Variants in PPFIA2 observed in about 807,000 individuals in gnomAD.
The protein encoded by PPFIA2 is PPFI scaffold protein A2.
In PPFIA2, 46 loss-of-function variants were observed where a neutral mutation model predicts 175.5. That is an observed-to-expected ratio of 0.26 (90% CI 0.21 to 0.34). The LOEUF is 0.34. Among genes scored for constraint, PPFIA2 ranks in the 10% least tolerant of loss-of-function variants. PPFIA2 has a pLI of 1.00. For synonymous variants in PPFIA2, 568 were observed against 511.4 expected, an observed-to-expected ratio of 1.11 and a Z score of -1.49; for missense variants, 1,179 against 1,506.1, an observed-to-expected ratio of 0.78 and a Z score of 3.60.
At chr12:81,320,628 G>C (rs1177513351) in intron 22 of PPFIA2, among the ~76,000 whole-genome samples, 1 of 151,752 alleles carries the variant, frequency 6.6e-6, no homozygotes, top group Admixed American at 6.6e-5. Context: ...ATTTCAGCAT[G>C]GATATATGCT....
intron 31 of PPFIA2, among the ~76,000 whole-genome samples, chr12:81,262,247 T>G (rs1276414925): frequency 2.0e-5 from 3 of 152,148 alleles, no homozygotes; most frequent in Non-Finnish European, 4.4e-5. Flanking sequence ...AGCTTTTGAG[T>G]TGTTATGTAT....
At position 81,439,960 on chromosome 12, in the gene PPFIA2, G is replaced by A. The variant is rs370836265; in HGVS notation, c.645+12C>T. ...ATTGCACCTCAAAAGAGGAGAAAGT[G>A]TGGCAGGTTACCTCCTGATTAGCAG... is the stretch of plus-strand genomic sequence containing the variant. On this transcript the variant is annotated intron_variant, in intron 7 of 32. Transcript: ENST00000549396. 6.2e-7 allele frequency: 1 copy of A among 1,602,794 alleles called. No homozygotes were observed. Among genetic ancestry groups the A allele is most frequent in the Admixed American group, 1.7e-5 (1 of 57,574 alleles).
chr12:81,306,424 G>A lies in PPFIA2; in HGVS notation c.2643-7042C>T, dbSNP rs150060877. On this transcript the variant is annotated intron_variant, in intron 22 of 32. Coordinates refer to ENST00000549396, the MANE Select transcript of PPFIA2 (RefSeq NM_003625.5). ...CCCATCTAATAGGGTTTTTACAAAG[G>A]TTTTGTAAGAAAATATGTGTAATAT... 2.7e-3 allele frequency among the ~76,000 whole-genome samples: 415 copies of A among 151,826 alleles called. 2 individuals carry two copies. The highest frequency in any genetic ancestry group is 9.6e-3 in the African/African-American group (398 of 41,414).
intron 3 of PPFIA2, among the ~76,000 whole-genome samples, chr12:81,702,445 T>A (rs1466285762): frequency 6.6e-6 from 1 of 152,184 alleles, no homozygotes; most frequent in African/African-American, 2.4e-5. Flanking sequence ...CAATCTTGTC[T>A]ATATCACCAA....
chr12:81,532,493 G>C (rs766695884), intron 4 of PPFIA2, among the ~76,000 whole-genome samples: 25 of 151,696 alleles, frequency 1.6e-4, no homozygotes, highest in Non-Finnish European at 3.2e-4. Context: ...GTCTGTTCTT[G>C]ATCTAGTTTA....
chr12:81,712,075 A>C (rs1164815546), intron 3 of PPFIA2, among the ~76,000 whole-genome samples: 1 of 151,344 alleles, frequency 6.6e-6, no homozygotes, highest in African/African-American at 2.4e-5. Flanking sequence ...ATATTTTTAA[A>C]ACATTATTTT....
intron 8 of PPFIA2, among the ~76,000 whole-genome samples, chr12:81,392,590 T>C (rs1317940990): frequency 6.6e-6 from 1 of 151,964 alleles, no homozygotes; most frequent in Non-Finnish European, 1.5e-5. Context: ...ATTATATATT[T>C]ACAAAATATG....
chr12:81,261,152 G>A (rs968384827), intron 32 of PPFIA2: 7 of 152,086 alleles, frequency 4.6e-5, no homozygotes, highest in African/African-American at 1.7e-4. Context: ...TTTGTTTTTA[G>A]CAAGTGTAAA....
intron 13 of PPFIA2, 57 bp from the exon 14 acceptor site, chr12:81,367,227 A>T: frequency 9.1e-7 from 1 of 1,098,414 alleles, no homozygotes; most frequent in Non-Finnish European, 1.2e-6. Context: ...ATACTTAAAA[A>T]TATATTGATT....
At chr12:81,384,403 C>T (rs1298400438) in intron 8 of PPFIA2, among the ~76,000 whole-genome samples, 159 bp from the exon 9 acceptor site, 2 of 152,142 alleles carry the variant, frequency 1.3e-5, no homozygotes, top group Non-Finnish European at 2.9e-5. Context: ...TCTAAGGAAA[C>T]TGTTAATTGA....
At chr12:81,366,490 C>T (rs924420042) in intron 14 of PPFIA2, among the ~76,000 whole-genome samples, 1 of 151,718 alleles carries the variant, frequency 6.6e-6, no homozygotes, top group Non-Finnish European at 1.5e-5. Flanking sequence ...TCAGTCAAGT[C>T]CCTCCTTCCT....
intron 4 of PPFIA2, among the ~76,000 whole-genome samples, chr12:81,541,779 G>T (rs1216743732): frequency 6.6e-6 from 1 of 152,034 alleles, no homozygotes; most frequent in Non-Finnish European, 1.5e-5. Context: ...GAGTTGACTT[G>T]TTCCAGGCTA....
At chr12:81,588,832 C>A (rs1018657905) in intron 4 of PPFIA2, among the ~76,000 whole-genome samples, 3 of 152,072 alleles carry the variant, frequency 2.0e-5, no homozygotes, top group African/African-American at 7.2e-5. Context: ...TGGGCTCTTT[C>A]TAACCACCTG....
At chr12:81,741,418 A>G (rs1457571818) in intron 3 of PPFIA2, among the ~76,000 whole-genome samples, 1 of 152,324 alleles carries the variant, frequency 6.6e-6, no homozygotes, top group South Asian at 2.1e-4. Context: ...AAAAAGAATA[A>G]TCTTTGTTTT....
intron 4 of PPFIA2, among the ~76,000 whole-genome samples, chr12:81,663,034 G>A (rs929230021): frequency 2.0e-5 from 3 of 152,118 alleles, no homozygotes; most frequent in Non-Finnish European, 4.4e-5. Context: ...AATAAATTAG[G>A]TATTGATGGG....
chr12:81,462,537 T>C (rs534750142), intron 4 of PPFIA2, among the ~76,000 whole-genome samples: 4 of 138,824 alleles, frequency 2.9e-5, no homozygotes, highest in African/African-American at 8.0e-5. Flanking sequence ...TATATGTATG[T>C]ATGTATGTAT....
At position 81,754,210 on chromosome 12, in the gene PPFIA2, T is replaced by C; in HGVS notation, c.12A>G (p.Glu4=). MMC[E]VMPTINEDTP... ...TGTCCTCATTAATCGTGGGCATCAC[T>C]TCACACATCATTGCTTAAAGAAAGT... The change falls in exon 3 of 33, where the codon GAA becomes GAG. Residue 4 remains glutamate, a synonymous_variant. Coordinates refer to ENST00000549396, the MANE Select transcript of PPFIA2 (RefSeq NM_003625.5). The C allele has an allele frequency of 6.2e-7, 1 of 1,602,914 alleles. No homozygotes were observed. The highest frequency in any genetic ancestry group is 1.1e-5 in the South Asian group (1 of 89,204).
At chr12:81,633,207 A>C (rs1343311706) in intron 4 of PPFIA2, among the ~76,000 whole-genome samples, 1 of 152,082 alleles carries the variant, frequency 6.6e-6, no homozygotes, top group Non-Finnish European at 1.5e-5. Context: ...GCTATAGGAA[A>C]AGGAAATATT....
At chr12:81,551,213 G>A (rs2067864010) in intron 4 of PPFIA2, among the ~76,000 whole-genome samples, 1 of 151,764 alleles carries the variant, frequency 6.6e-6, no homozygotes, top group South Asian at 2.1e-4. Context: ...TAAAGTTTAT[G>A]GTATAAATGA....
Sources: gnomAD v4.1 joint callset for allele counts (sites outside exome capture counted in the v4.1 genomes callset) on GRCh38, gnomAD v4.1.1 for gene constraint, MANE v1.5 for transcripts, NCBI Gene and HGNC (gene_info 2026-07-23, HGNC 2026-07-21) for gene names.